PIP5K1B: variants seen among roughly 807,000 people sequenced by gnomAD.
The protein encoded by PIP5K1B is phosphatidylinositol 4-phosphate 5-kinase type-1 beta.
In PIP5K1B, 42 loss-of-function variants were observed where a neutral mutation model predicts 67.0. That is an observed-to-expected ratio of 0.63 (90% confidence interval 0.49 to 0.81). The LOEUF (loss-of-function observed/expected upper bound fraction) is 0.81. Ranked by LOEUF, PIP5K1B falls within the 30% of genes least tolerant of loss-of-function variation. The pLI is 0.00. For missense variants in PIP5K1B, 459 were observed against 646.3 expected (o/e 0.71, Z 3.14); for synonymous variants, 214 against 231.4 (o/e 0.92, Z 0.68).
In PIP5K1B at chr9:68,934,916, C is replaced by T. The variant is rs370249731; in HGVS notation, c.1228C>T (p.Arg410Trp). The change falls in exon 13 of 16, where the codon CGG becomes TGG. Residue 410 changes from arginine to tryptophan, a missense_variant. By Grantham distance (101) the Arg-to-Trp change is moderately radical. This residue lies in a region of PIP5K1B where 169 missense variants were observed against 171.9 expected (regional missense o/e 0.98). Transcript: ENST00000265382. The stretch of plus-strand genomic sequence containing the variant: ...TTTGAAGGCTTCACCGTCTAAGAAA[C>T]GGTGCAATTCAATCGCCGCCCTAAA... ...QALKASPSKK[R>W]CNSIAALKAT... The T allele has an allele frequency of 7.4e-5, 120 of 1,611,488 alleles. No individual in the cohort carries two copies. Among genetic ancestry groups the T allele is most frequent in the South Asian group, 1.4e-4 (13 of 90,636 alleles).
chr9:68,897,333 CA>C (rs1389812844), intron 8 of PIP5K1B, among the ~76,000 whole-genome samples: 29 of 152,214 alleles, frequency 1.9e-4, no homozygotes, highest in African/African-American at 6.3e-4. Context: ...AAGCACACTA[CA>C]TGCCAAGCAT....
At chr9:68,993,224 C>T (rs1169564565) in intron 15 of PIP5K1B, among the ~76,000 whole-genome samples, 1 of 152,090 alleles carries the variant, frequency 6.6e-6, no homozygotes, top group Non-Finnish European at 1.5e-5. Flanking sequence ...CCGACCTGCC[C>T]CCTCCCTGGG....
At chr9:68,773,990 A>G (rs1160887077) in intron 2 of PIP5K1B, among the ~76,000 whole-genome samples, 1 of 152,184 alleles carries the variant, frequency 6.6e-6, no homozygotes, top group Non-Finnish European at 1.5e-5. Context: ...CTGAGTTCCT[A>G]TGATGCTACT....
intron 8 of PIP5K1B, among the ~76,000 whole-genome samples, chr9:68,899,107 C>T (rs1430581336): frequency 6.6e-6 from 1 of 152,226 alleles, no homozygotes; most frequent in East Asian, 1.9e-4. Flanking sequence ...CAGATCCCCA[C>T]TCTCCAGCTC....
At chr9:68,984,586 G>A (rs1006112840) in intron 14 of PIP5K1B, among the ~76,000 whole-genome samples, 3 of 152,138 alleles carry the variant, frequency 2.0e-5, no homozygotes, top group Non-Finnish European at 2.9e-5. Context: ...TCTTTTATAT[G>A]TATAATTTGG....
At chr9:68,718,549 C>T (rs1356122983) in intron 1 of PIP5K1B, among the ~76,000 whole-genome samples, 1 of 152,196 alleles carries the variant, frequency 6.6e-6, no homozygotes, top group Non-Finnish European at 1.5e-5. Flanking sequence ...GAACCCTTGG[C>T]TATGCAGAAC....
intron 15 of PIP5K1B, among the ~76,000 whole-genome samples, chr9:69,005,661 G>A (rs1405705936): frequency 6.6e-6 from 1 of 152,204 alleles, no homozygotes; most frequent in Non-Finnish European, 1.5e-5. Context: ...TTACAGGCAT[G>A]AGCCACCACA....
chr9:68,707,494 C>T (rs1031042035), intron 1 of PIP5K1B: 13 of 152,140 alleles, frequency 8.5e-5, no homozygotes, highest in African/African-American at 3.1e-4. Flanking sequence ...CTGTCATAAC[C>T]AGGTGCCTGC....
chr9:68,864,920 A>G (rs1823282420), intron 5 of PIP5K1B, among the ~76,000 whole-genome samples: 1 of 150,532 alleles, frequency 6.6e-6, no homozygotes. Flanking sequence ...TGTCCTCATC[A>G]CCTTATTAAA....
At chr9:68,958,389 GCTT>G (rs1828511562) in intron 14 of PIP5K1B, among the ~76,000 whole-genome samples, 1 of 152,068 alleles carries the variant, frequency 6.6e-6, no homozygotes, top group Non-Finnish European at 1.5e-5. Context: ...CATATTTTCT[GCTT>G]CTTAAGTAAT....
intron 2 of PIP5K1B, among the ~76,000 whole-genome samples, chr9:68,746,290 G>C (rs1451647872): frequency 6.6e-6 from 1 of 151,978 alleles, no homozygotes; most frequent in Non-Finnish European, 1.5e-5. Context: ...TGTTGGCCAG[G>C]CTGGTCTTGA....
intron 4 of PIP5K1B, chr9:68,824,324 A>G: frequency 2.0e-6 from 1 of 510,234 alleles, no homozygotes; most frequent in Non-Finnish European, 3.9e-6. Context: ...TGACCATGAC[A>G]TCTCAGAGTT....
chr9:68,775,160 T>C, intron 2 of PIP5K1B, among the ~76,000 whole-genome samples: 1 of 152,206 alleles, frequency 6.6e-6, no homozygotes, highest in South Asian at 2.1e-4. Flanking sequence ...GTTCATGTCT[T>C]CCACCCACAA....
At chr9:68,755,626 A>G (rs1161014024) in intron 2 of PIP5K1B, among the ~76,000 whole-genome samples, 2 of 152,238 alleles carry the variant, frequency 1.3e-5, no homozygotes, top group Admixed American at 6.5e-5. Context: ...AGTAATTGCT[A>G]TCACACTACA....
intron 12 of PIP5K1B, among the ~76,000 whole-genome samples, chr9:68,924,062 G>A (rs1008148309): frequency 1.3e-5 from 2 of 150,186 alleles, no homozygotes; most frequent in East Asian, 2.0e-4. Context: ...ATGGGATGCT[G>A]TGAAGGCAGT....
intron 6 of PIP5K1B, among the ~76,000 whole-genome samples, chr9:68,879,488 A>C (rs1057388056): frequency 2.6e-5 from 4 of 152,210 alleles, no homozygotes; most frequent in African/African-American, 4.8e-5. Flanking sequence ...GAATCACTTG[A>C]ACCTGGAAGG....
At chr9:68,778,372 T>C (rs1831030092) in intron 2 of PIP5K1B, among the ~76,000 whole-genome samples, 1 of 152,220 alleles carries the variant, frequency 6.6e-6, no homozygotes, top group Admixed American at 6.5e-5. Context: ...TTCTTCTGCT[T>C]CAGATCTCTT....
At chr9:68,897,620 G>T (rs1825154867) in intron 8 of PIP5K1B, among the ~76,000 whole-genome samples, 1 of 152,248 alleles carries the variant, frequency 6.6e-6, no homozygotes, top group South Asian at 2.1e-4. Flanking sequence ...AGAGGAAAGT[G>T]GCCACATAAT....
At chr9:68,733,715 C>T (rs1485027971) in intron 1 of PIP5K1B, among the ~76,000 whole-genome samples, 1 of 138,302 alleles carries the variant, frequency 7.2e-6, no homozygotes, top group Admixed American at 7.6e-5. Flanking sequence ...TCTCAGCTCA[C>T]TGTAACCTCC....
Sources: allele counts gnomAD v4.1 joint callset (sites outside exome capture counted in the v4.1 genomes callset), GRCh38; gene constraint gnomAD v4.1.1; regional missense constraint gnomAD v4.1.1; transcripts MANE v1.5; gene names NCBI Gene and HGNC (gene_info 2026-07-23, HGNC 2026-07-21).